CCDC107: variants seen among roughly 807,000 people sequenced by gnomAD.
The protein encoded by CCDC107 is coiled-coil domain containing 107.
A neutral mutation model predicts 17.9 loss-of-function variants in CCDC107; 17 were observed. The observed-to-expected ratio is 0.95, with a 90% CI of 0.65 to 1.42. CCDC107 has a LOEUF of 1.42. Among genes scored for constraint, CCDC107 ranks in the 40% most tolerant of loss-of-function variants. The probability of loss-of-function intolerance (pLI) is 0.00; values close to 1 mark genes in which losing one functional copy is unlikely to be tolerated. For missense variants in CCDC107, 388 were observed against 360.1 expected (o/e 1.08, Z -0.63); for synonymous variants, 170 against 157.2 (o/e 1.08, Z -0.61).
chr9:35,659,356 T>G (rs568929247), intron 2 of CCDC107: 1 of 152,348 alleles, frequency 6.6e-6, no homozygotes, highest in East Asian at 1.9e-4. Context: ...GATGAATGAC[T>G]GAATTTAATG....
chr9:35,660,705 G>T, intron 4 of CCDC107, 41 bp from the exon 5 acceptor site: 1 of 1,613,634 alleles, frequency 6.2e-7, no homozygotes, highest in South Asian at 1.1e-5. Context: ...AGGGAGGAAT[G>T]GGGACATAGG....
Position 35,661,011 on chromosome 9 carries a change from T to G in CCDC107, c.676T>G (p.Trp226Gly), listed in dbSNP as rs1823910203. Residue 226 changes from tryptophan (W) to glycine (G), a missense_variant, in exon 5 of 5, where the codon TGG becomes GGG. Trp to Gly is a radical substitution (Grantham distance 184). Transcript: ENST00000426546. The part of the protein sequence containing the change: ...DEEEIGDSQA[W>G]EEPTNWSTET... ...GGAGGAGATTGGTGACAGTCAGGCCTGGGAGGAGCCCACAAACTGGAGCAC... is the reference window on the plus strand; with the variant it reads ...GGAGGAGATTGGTGACAGTCAGGCCGGGGAGGAGCCCACAAACTGGAGCAC... 2 of 1,613,944 alleles carry G rather than the reference T, an allele frequency of 1.2e-6. No homozygotes were observed. Among genetic ancestry groups the G allele is most frequent in the African/African-American group, 1.3e-5 (1 of 74,910 alleles).
rs765406308 is a variant in CCDC107, at chr9:35,658,337, G to A, written c.-43G>A. The A allele has an allele frequency of 7.6e-6, 10 of 1,313,790 alleles. No homozygotes were observed. The Admixed American group carries it at 2.0e-4, about 26-fold the overall frequency. The allele number at this position is 1,313,790 out of a possible 1,614,324, so 81.4% of individuals were successfully genotyped here. A position where few individuals can be genotyped will look rare whatever the true frequency, so the allele number is the denominator to read the frequency against. The stretch of plus-strand genomic sequence containing the variant: ...TGGGGCGGCCGGCCAATGCCGGACC[G>A]CTTCGGCACCGCCCGCCCGATCCCT... On this transcript the variant is annotated 5_prime_UTR_variant, in exon 1 of 5. Transcript: ENST00000426546.
At position 35,658,606 on chromosome 9, in the gene CCDC107, C is replaced by T; in HGVS notation, c.137C>T (p.Thr46Met). Reference protein sequence around the residue: ...GNAAHPGSGATEPRRRPPLKD... With the variant: ...GNAAHPGSGAMEPRRRPPLKD... ...GCAGCCCACCCCGGCTCTGGAGCCA[C>T]GGAACCCCGGCGGCGACCACCGCTC... The change falls in exon 2 of 5, where the codon ACG (threonine) becomes ATG (methionine). Residue 46 changes from threonine (T) to methionine (M), a missense_variant. Coordinates refer to ENST00000426546, the MANE Select transcript of CCDC107 (RefSeq NM_174923.3). 3 of 1,582,064 alleles carry T rather than the reference C, an allele frequency of 1.9e-6. No individual in the cohort carries two copies. Among genetic ancestry groups the T allele is most frequent in the Non-Finnish European group, 2.6e-6 (3 of 1,172,028 alleles).
chr9:35,660,344 A>C, intron 2 of CCDC107, 57 bp from the exon 3 acceptor site: 1 of 1,451,562 alleles, frequency 6.9e-7, no homozygotes, highest in Non-Finnish European at 9.3e-7. Flanking sequence ...CTGGAGACTG[A>C]GGTGATGGAG....
chr9:35,660,697 G>A (rs1179128801), intron 4 of CCDC107, 49 bp from the exon 5 acceptor site: 9 of 1,613,582 alleles, frequency 5.6e-6, no homozygotes, highest in Non-Finnish European at 7.6e-6. Flanking sequence ...GTGGCAGGAG[G>A]GAGGAATGGG....
chr9:35,658,442 G>T lies in CCDC107; in HGVS notation c.63G>T (p.Gly21=). The T allele has an allele frequency of 1.1e-5, 16 of 1,467,594 alleles. No homozygotes were observed. The highest frequency in any genetic ancestry group is 1.4e-5 in the Non-Finnish European group (16 of 1,109,082). 90.9% of individuals were successfully genotyped at this position (1,467,594 alleles called of 1,614,324 possible). Residue 21 remains glycine (G), a synonymous_variant, in exon 1 of 5, where the codon GGG becomes GGT. Transcript: ENST00000426546. ...TGCTGCTTGTGTCTGCGCTGTCCGG[G>T]GTCCTAGGAGACCGCGCCAATCCCG... ...VGLLLVSALS[G]VLGDRANPDL...
chr9:35,658,775 C>T (rs1823722053), intron 2 of CCDC107, 48 bp downstream of exon 2: 1 of 1,250,476 alleles, frequency 8.0e-7, no homozygotes, highest in Non-Finnish European at 1.1e-6. Context: ...GCGGGACCGC[C>T]GGGCGTGGGG....
rs933078840 is a variant in CCDC107, at chr9:35,660,288, C to T, written c.259-113C>T. Reference sequence around the variant, plus strand: ...GGATTGTGATTCTCTGAGGTAAAAACCCAATCACTGTCTCCATCTCAAATT... The same window carrying T: ...GGATTGTGATTCTCTGAGGTAAAAATCCAATCACTGTCTCCATCTCAAATT... On this transcript the variant is annotated intron_variant, in intron 2 of 4. Transcript: ENST00000426546. The T allele has an allele frequency of 1.2e-5, 11 of 903,176 alleles. No individual in the cohort carries two copies. In the African/African-American group the frequency reaches 1.8e-4, roughly 15 times the overall value. The allele number at this position is 903,176 out of a possible 1,614,324, so 55.9% of individuals were successfully genotyped here. A position where few individuals can be genotyped will look rare whatever the true frequency, so the allele number is the denominator to read the frequency against.
chr9:35,660,994 T>C lies in CCDC107; in HGVS notation c.659T>C (p.Ile220Thr), dbSNP rs147165051. 3.7e-6 allele frequency: 6 copies of C among 1,613,784 alleles called. No homozygotes were observed. The African/African-American group carries it at 4.0e-5, about 11-fold the overall frequency. Residue 220 changes from isoleucine to threonine, a missense_variant, in exon 5 of 5, where the codon ATT (isoleucine) becomes ACT (threonine). Ile to Thr is a moderately conservative substitution (Grantham distance 89). Coordinates refer to ENST00000426546, the MANE Select transcript of CCDC107 (RefSeq NM_174923.3). ...TGTTTAAAGGAGGACGAGGAGGAGA[T>C]TGGTGACAGTCAGGCCTGGGAGGAG... The part of the protein sequence containing the change: ...DFCLKEDEEE[I>T]GDSQAWEEPT...
chr9:35,658,378 C>G lies in CCDC107; in HGVS notation c.-2C>G, dbSNP rs1314003136. ...CCCGATCCCTCCACCCGTGGGCCGG[C>G]AATGGCGGGCGCAGTTTCGCTCTTG... On this transcript the variant is annotated 5_prime_UTR_variant, in exon 1 of 5. Coordinates refer to ENST00000426546, the MANE Select transcript of CCDC107 (RefSeq NM_174923.3). 4 of 1,390,572 alleles carry G rather than the reference C, an allele frequency of 2.9e-6. No homozygotes were observed. Among genetic ancestry groups the G allele is most frequent in the Non-Finnish European group, 3.7e-6 (4 of 1,069,390 alleles). 86.1% of individuals were successfully genotyped at this position (1,390,572 alleles called of 1,614,324 possible). A position where few individuals can be genotyped will look rare whatever the true frequency, so the allele number is the denominator to read the frequency against.
At position 35,661,426 on chromosome 9, in the gene CCDC107, GA is replaced by G. The variant is rs1823941952; in HGVS notation, c.*241del. ...CTTTTCTCATAGCAAAACTGAGACAGAAGGGTCTTTCCCAAAAAAAAGAAAA... is the reference window on the plus strand; with the variant it reads ...CTTTTCTCATAGCAAAACTGAGACAGAGGGTCTTTCCCAAAAAAAAGAAAA... On this transcript the variant is annotated 3_prime_UTR_variant, in exon 5 of 5. Transcript: ENST00000426546. 1 of 456,302 alleles carries G rather than the reference GA, an allele frequency of 2.2e-6. No homozygotes were observed. The highest frequency in any genetic ancestry group is 3.3e-5 in the East Asian group (1 of 30,224). 28.3% of individuals were successfully genotyped at this position (456,302 alleles called of 1,614,324 possible). A position where few individuals can be genotyped will look rare whatever the true frequency, so the allele number is the denominator to read the frequency against.
rs1823855409 is a variant in CCDC107, at chr9:35,660,409, T to G, written c.267T>G (p.Asp89Glu). Residue 89 changes from aspartate (D) to glutamate (E), a missense_variant, in exon 3 of 5, where the codon GAT becomes GAG. Transcript: ENST00000426546. ...FVLYKCLQGK[D>E]ETAVLHEEAS... The stretch of plus-strand genomic sequence containing the variant: ...TCCTTCTTCCACAACAGGGGAAAGA[T>G]GAAACTGCGGTTCTCCACGAGGAGG... The G allele has an allele frequency of 6.2e-7, 1 of 1,602,952 alleles. No individual in the cohort carries two copies.
intron 2 of CCDC107, chr9:35,659,848 GTT>G (rs1210267818): frequency 1.3e-5 from 2 of 152,606 alleles, no homozygotes; most frequent in African/African-American, 4.8e-5. Flanking sequence ...AACAACCAAA[GTT>G]TTTGTTTTTT....
At chr9:35,659,478 G>A (rs964953735) in intron 2 of CCDC107, 3 of 152,186 alleles carry the variant, frequency 2.0e-5, no homozygotes, top group African/African-American at 7.2e-5. Flanking sequence ...CATTCCAGTT[G>A]ACTGAGTTCA....
chr9:35,658,737 G>T lies in CCDC107; in HGVS notation c.258+10G>T, dbSNP rs199739257. On this transcript the variant is annotated intron_variant, in intron 2 of 4. Transcript: ENST00000426546. Reference sequence around the variant, plus strand: ...GTACAAGTGTTTGCAGGTACGGGGCGGCCGGGGGTAGGGGTGCCCCTGCAG... The same window carrying T: ...GTACAAGTGTTTGCAGGTACGGGGCTGCCGGGGGTAGGGGTGCCCCTGCAG... 797 of 1,480,912 alleles carry T rather than the reference G, an allele frequency of 5.4e-4. 4 individuals are homozygous for T. In the African/African-American group the frequency reaches 9.3e-3, roughly 17 times the overall value. The allele number at this position is 1,480,912 out of a possible 1,614,324, so 91.7% of individuals were successfully genotyped here.
rs770806021 is a variant in CCDC107 at position 35,660,815 on chromosome 9, G to T, written c.480G>T (p.Leu160=). ...AGCTATGGACCATCCACGAGCTGCT[G>T]CAAGATAGCAAGCCGGACAAGGATA... ...NMKLWTIHEL[L]QDSKPDKDME... The change falls in exon 5 of 5, where the codon CTG becomes CTT. Residue 160 remains leucine, a synonymous_variant. Coordinates refer to ENST00000426546, the MANE Select transcript of CCDC107 (RefSeq NM_174923.3). 6.2e-7 allele frequency: 1 copy of T among 1,614,186 alleles called. No homozygotes were observed.
chr9:35,658,632 A>C lies in CCDC107; in HGVS notation c.163A>C (p.Lys55Gln). The C allele has an allele frequency of 6.4e-7, 1 of 1,569,454 alleles. No individual in the cohort carries two copies. The highest frequency in any genetic ancestry group is 1.1e-5 in the South Asian group (1 of 89,734). The change falls in exon 2 of 5, where the codon AAG (lysine) becomes CAG (glutamine). Residue 55 changes from lysine to glutamine, a missense_variant. By Grantham distance (53) the Lys-to-Gln change is moderately conservative (BLOSUM62 1). Coordinates refer to ENST00000426546, the MANE Select transcript of CCDC107 (RefSeq NM_174923.3). ...ATEPRRRPPL[K>Q]DQRERTRAGS... ...GGAACCCCGGCGGCGACCACCGCTC[A>C]AGGATCAACGCGAGCGGACCCGGGC...
chr9:35,660,961 AG>A lies in CCDC107; in HGVS notation c.628del (p.Asp210ThrfsTer4), dbSNP rs779751434. 3 of 1,614,154 alleles carry A rather than the reference AG, an allele frequency of 1.9e-6. No individual in the cohort carries two copies. In the Admixed American group the frequency reaches 5.0e-5, roughly 27 times the overall value. On this transcript the variant is annotated frameshift_variant, in exon 5 of 5. Coordinates refer to ENST00000426546, the MANE Select transcript of CCDC107 (RefSeq NM_174923.3). LOFTEE classifies it low-confidence loss of function (END_TRUNC). ...PHTEASRPLP[E>X]DFCLKEDEEE... The stretch of plus-strand genomic sequence containing the variant: ...ACAGAGGCCAGCAGACCTCTTCCTG[AG>A]GACTTCTGTTTAAAGGAGGACGAGG...
Sources: allele counts gnomAD v4.1 joint callset, GRCh38; gene constraint gnomAD v4.1.1; transcripts MANE v1.5; gene names NCBI Gene and HGNC (gene_info 2026-07-23, HGNC 2026-07-21).